The following SMC3 variants were observed in gnomAD, a reference collection of about 807,000 sequenced individuals.
SMC3 encodes the protein structural maintenance of chromosomes 3.
SMC3 carries 20 observed loss-of-function variants against 171.8 expected under a neutral mutation model. That is an observed-to-expected ratio of 0.12 (90% CI 0.08 to 0.17). The LOEUF is 0.17. Among genes scored for constraint, SMC3 ranks in the 10% least tolerant of loss-of-function variants. The pLI, the probability that SMC3 is intolerant of heterozygous loss-of-function variation, is 1.00. For missense variants in SMC3, 543 were observed against 1,420.4 expected, an observed-to-expected ratio of 0.38 and a Z score of 9.93; for synonymous variants, 464 against 451.1, an observed-to-expected ratio of 1.03 and a Z score of -0.36.
chr10:110,599,361 C>T lies in SMC3; in HGVS notation c.2269-293C>T, dbSNP rs917793186. Reference sequence around the variant, plus strand: ...CCACCCACCTTGGCCTCCCAAAGTGCTGGGGTTACAGGCGTGAGCCACTGC... The same window carrying T: ...CCACCCACCTTGGCCTCCCAAAGTGTTGGGGTTACAGGCGTGAGCCACTGC... On this transcript the variant is annotated intron_variant, in intron 20 of 28. Transcript: ENST00000361804. 2.0e-5 allele frequency among the ~76,000 whole-genome samples: 3 copies of T among 152,332 alleles called. No homozygotes were observed. The East Asian group carries it at 5.8e-4, about 29-fold the overall frequency.
rs758758728 is a variant in SMC3, at chr10:110,589,933, C to G, written c.1451C>G (p.Ala484Gly). The part of the protein sequence containing the change: ...REENAEQQAL[A>G]AKREDLEKKQ... ...GAGAATGCAGAACAGCAAGCACTTG[C>G]TGCTAAAAGAGAAGATCTTGAAAAG... Residue 484 changes from alanine to glycine, a missense_variant, in exon 15 of 29, where the codon GCT (alanine) becomes GGT (glycine). Coordinates refer to ENST00000361804, the MANE Select transcript of SMC3 (RefSeq NM_005445.4). 47 of 1,614,034 alleles carry G rather than the reference C, an allele frequency of 2.9e-5. 2 individuals are homozygous for G. The South Asian group carries it at 5.1e-4, about 17-fold the overall frequency.
In SMC3 at chr10:110,567,734, T is replaced by C. The variant is rs1415007806; in HGVS notation, c.-83T>C. 1 of 1,541,780 alleles carries C rather than the reference T, an allele frequency of 6.5e-7. No individual in the cohort carries two copies. Among genetic ancestry groups the C allele is most frequent in the Non-Finnish European group, 8.9e-7 (1 of 1,119,076 alleles). On this transcript the variant is annotated 5_prime_UTR_variant, in exon 1 of 29. Transcript: ENST00000361804. The stretch of plus-strand genomic sequence containing the variant: ...AGCGAGCGGCGCTTTGGGGGAGGGG[T>C]CGCGTAGGCGCCTCACCTGACCCTG...
At chr10:110,596,691 G>C in intron 19 of SMC3, 141 bp downstream of exon 19, 1 of 771,804 alleles carries the variant, frequency 1.3e-6, no homozygotes, top group Non-Finnish European at 2.0e-6. Flanking sequence ...TTTAGCTTTT[G>C]AAGACTAAAA....
At position 110,604,631 on chromosome 10, in the gene SMC3, C is replaced by T. The variant is rs182524436; in HGVS notation, c.*329C>T. 1.4e-3 allele frequency: 420 copies of T among 298,650 alleles called. 1 individual carries two copies. The highest frequency in any genetic ancestry group is 2.2e-3 in the Non-Finnish European group (347 of 156,206). The allele number at this position is 298,650 out of a possible 1,614,324, so 18.5% of individuals were successfully genotyped here. A position where few individuals can be genotyped will look rare whatever the true frequency, so the allele number is the denominator to read the frequency against. On this transcript the variant is annotated 3_prime_UTR_variant, in exon 29 of 29. Transcript: ENST00000361804. ...TTCAATTAAATAATCGGTTTTATGA[C>T]TAATATAGTGTTTTATGTGGCTTTT...
intron 25 of SMC3, 59 bp from the exon 26 acceptor site, chr10:110,602,415 C>T: frequency 7.4e-7 from 1 of 1,351,266 alleles, no homozygotes; most frequent in Non-Finnish European, 1.0e-6. Flanking sequence ...AAATATTTTA[C>T]TTAAGTGTTA....
At chr10:110,582,516 G>A (rs1861047296) in intron 9 of SMC3, 46 bp from the exon 10 acceptor site, 2 of 1,313,066 alleles carry the variant, frequency 1.5e-6, no homozygotes, top group African/African-American at 1.5e-5. Context: ...GAAATATTTA[G>A]TAATTACAAA....
intron 3 of SMC3, among the ~76,000 whole-genome samples, chr10:110,574,491 T>G (rs1229383403): frequency 6.6e-6 from 1 of 152,220 alleles, no homozygotes; most frequent in African/African-American, 2.4e-5. Context: ...CTATCTCTTC[T>G]GTGCACACGA....
chr10:110,583,153 AAGTGC>A (rs1376964057), intron 10 of SMC3, among the ~76,000 whole-genome samples: 1 of 151,968 alleles, frequency 6.6e-6, no homozygotes, highest in Non-Finnish European at 1.5e-5. Context: ...GGGCCTCCCA[AAGTGC>A]TGAGTTTACA....
intron 4 of SMC3, 49 bp downstream of exon 4, chr10:110,575,452 A>T (rs564136434): frequency 7.4e-7 from 1 of 1,348,546 alleles, no homozygotes; most frequent in African/African-American, 1.5e-5. Flanking sequence ...ATATTTTAAA[A>T]ATAAATTTTC....
intron 7 of SMC3, 22 bp from the exon 8 acceptor site, chr10:110,580,882 A>G (rs1861020221): frequency 7.8e-7 from 1 of 1,277,434 alleles, no homozygotes; most frequent in Non-Finnish European, 1.1e-6. Flanking sequence ...CTATGTAATG[A>G]TTATTTTTCT....
intron 13 of SMC3, among the ~76,000 whole-genome samples, chr10:110,588,148 C>T (rs141095723): frequency 0.016 from 2,390 of 152,248 alleles, 35 homozygotes; most frequent in South Asian, 0.028. Context: ...TGTGCCATCA[C>T]GCCTGGCTAA....
At chr10:110,569,058 A>T (rs1564786840) in intron 2 of SMC3, 45 bp downstream of exon 2, 3 of 1,191,042 alleles carry the variant, frequency 2.5e-6, no homozygotes, top group Non-Finnish European at 1.3e-6. Context: ...GTCTATACAG[A>T]TAATGTAAAT....
intron 1 of SMC3, 133 bp from the exon 2 acceptor site, chr10:110,568,805 C>A: frequency 1.6e-6 from 1 of 633,248 alleles, no homozygotes; most frequent in South Asian, 1.8e-5. Flanking sequence ...CACCACTTTC[C>A]AAAATGAATT....
At chr10:110,586,915 C>T (rs1247144697) in intron 13 of SMC3, among the ~76,000 whole-genome samples, 2 of 152,178 alleles carry the variant, frequency 1.3e-5, no homozygotes, top group South Asian at 2.1e-4. Flanking sequence ...CCTGAGCCTC[C>T]CAAAGTGCTG....
intron 18 of SMC3, among the ~76,000 whole-genome samples, chr10:110,596,177 G>A (rs1311230481): frequency 2.2e-5 from 3 of 136,804 alleles, no homozygotes; most frequent in African/African-American, 5.6e-5. Flanking sequence ...AGCTATGACC[G>A]CACCACTGCA....
At chr10:110,595,817 C>G (rs185542654) in intron 18 of SMC3, among the ~76,000 whole-genome samples, 2 of 151,458 alleles carry the variant, frequency 1.3e-5, no homozygotes, top group Non-Finnish European at 2.9e-5. Context: ...CCAAATATGG[C>G]CAGTGGAAAT....
At position 110,593,107 on chromosome 10, in the gene SMC3, A is replaced by G. The variant is rs1861234824; in HGVS notation, c.1847A>G (p.Asn616Ser). The G allele has an allele frequency of 6.2e-7, 1 of 1,614,092 alleles. No homozygotes were observed. Among genetic ancestry groups the G allele is most frequent in the Non-Finnish European group, 8.5e-7 (1 of 1,179,946 alleles). Residue 616 changes from asparagine (N) to serine (S), a missense_variant, in exon 18 of 29, where the codon AAT becomes AGT. Physicochemically the swap from Asn to Ser is conservative, Grantham distance 46 (BLOSUM62 1). This residue lies in a region of SMC3 where 218 missense variants were observed against 509.6 expected (regional missense o/e 0.43). Transcript: ENST00000361804. ...CCTATGATCAGCAAACTGAGGTACA[A>G]TCCCAGATTTGACAAAGCTTTCAAA... is the stretch of plus-strand genomic sequence containing the variant. ...AIPMISKLRYNPRFDKAFKHV... is the reference protein window; with the variant it reads ...AIPMISKLRYSPRFDKAFKHV...
chr10:110,586,754 T>G (rs1321850000), intron 13 of SMC3, among the ~76,000 whole-genome samples: 3 of 152,030 alleles, frequency 2.0e-5, no homozygotes, highest in Non-Finnish European at 2.9e-5. Context: ...GCCTCCTGGG[T>G]TCAAGCGATT....
chr10:110,599,312 G>A (rs1485731359), intron 20 of SMC3, among the ~76,000 whole-genome samples: 2 of 152,136 alleles, frequency 1.3e-5, no homozygotes, highest in Non-Finnish European at 1.5e-5. Flanking sequence ...GGCCAGGCTC[G>A]TCTCGAACTC....
Sources: gnomAD v4.1 joint callset for allele counts (sites outside exome capture counted in the v4.1 genomes callset) on GRCh38, gnomAD v4.1.1 for gene constraint, gnomAD v4.1.1 regional missense constraint, MANE v1.5 for transcripts, NCBI Gene and HGNC (gene_info 2026-07-23, HGNC 2026-07-21) for gene names.